ZNF385B: variants seen among roughly 807,000 people sequenced by gnomAD.
The protein encoded by ZNF385B is zinc finger protein 385B, also known as zinc finger protein 533.
Under a neutral mutation model 39.2 loss-of-function variants are expected in ZNF385B, and 23 were observed. The ratio of observed to expected loss-of-function variants is 0.59; its 90% CI spans 0.42 to 0.83. The LOEUF (loss-of-function observed/expected upper bound fraction) is 0.83, where lower values mean the gene tolerates loss of function less well. ZNF385B is among the 40% of genes least tolerant of loss of function. ZNF385B has a pLI of 0.00. For synonymous variants in ZNF385B, 205 were observed against 222.6 expected, an observed-to-expected ratio of 0.92 and a Z score of 0.70; for missense variants, 552 against 598.9, an observed-to-expected ratio of 0.92 and a Z score of 0.82.
intron 1 of ZNF385B, among the ~76,000 whole-genome samples, chr2:179,834,817 C>T (rs537342607): frequency 1.3e-5 from 2 of 152,286 alleles, no homozygotes; most frequent in African/African-American, 4.8e-5. Context: ...AACAAACTAA[C>T]ATCATAAGCC....
rs907658854 is a variant in ZNF385B, at chr2:179,623,768, G to A, written c.299-78799C>T. Among the ~76,000 whole-genome samples, 3 of 152,252 alleles carry A rather than the reference G, an allele frequency of 2.0e-5. No homozygotes were observed. The South Asian group carries it at 6.2e-4, about 32-fold the overall frequency. ...CTGAACCTGGTTCTGCAGGCTTCTA[G>A]TGTTTCCATGAGCTCCCCAAGGCCT... On this transcript the variant is annotated intron_variant, in intron 3 of 9. Coordinates refer to ENST00000410066, the MANE Select transcript of ZNF385B (RefSeq NM_152520.6).
At chr2:179,605,971 A>C (rs1688767244) in intron 3 of ZNF385B, among the ~76,000 whole-genome samples, 1 of 152,184 alleles carries the variant, frequency 6.6e-6, no homozygotes, top group Non-Finnish European at 1.5e-5. Flanking sequence ...AGCACCAGTG[A>C]ATTCTGAACT....
intron 6 of ZNF385B, among the ~76,000 whole-genome samples, chr2:179,482,162 C>A (rs1317838724): frequency 6.6e-6 from 1 of 152,144 alleles, no homozygotes; most frequent in Non-Finnish European, 1.5e-5. Flanking sequence ...GTCCCTTTTT[C>A]CATAGTCTCT....
At chr2:179,671,963 G>A (rs781019041) in intron 3 of ZNF385B, among the ~76,000 whole-genome samples, 1 of 152,254 alleles carries the variant, frequency 6.6e-6, no homozygotes, top group Non-Finnish European at 1.5e-5. Flanking sequence ...TGGGGTGGTA[G>A]AGACACCCGG....
chr2:179,716,140 G>A (rs1320700973), intron 3 of ZNF385B, among the ~76,000 whole-genome samples: 1 of 152,102 alleles, frequency 6.6e-6, no homozygotes, highest in Non-Finnish European at 1.5e-5. Flanking sequence ...GGAGACATCA[G>A]TCACTATTTT....
rs139295177 is a variant in ZNF385B at position 179,443,003 on chromosome 2, C to T, written c.*247G>A. ...ATATCTGAGATACACAAATTGAACG[C>T]GGTAGGGTGGGGGAGGAAGTAGGGA... On this transcript the variant is annotated 3_prime_UTR_variant, in exon 10 of 10. Coordinates refer to ENST00000410066, the MANE Select transcript of ZNF385B (RefSeq NM_152520.6). 573 of 580,698 alleles carry T rather than the reference C, an allele frequency of 9.9e-4. 7 individuals are homozygous for T. In the East Asian group the frequency reaches 0.015, roughly 15 times the overall value. 36.0% of individuals were successfully genotyped at this position (580,698 alleles called of 1,614,324 possible). A position where few individuals can be genotyped will look rare whatever the true frequency, so the allele number is the denominator to read the frequency against.
chr2:179,629,593 C>T (rs901180752), intron 3 of ZNF385B, among the ~76,000 whole-genome samples: 5 of 152,160 alleles, frequency 3.3e-5, no homozygotes, highest in African/African-American at 7.2e-5. Flanking sequence ...CAGCTCCCAG[C>T]GTGATCAATG....
chr2:179,677,201 G>A (rs1166011706), intron 3 of ZNF385B, among the ~76,000 whole-genome samples: 1 of 152,172 alleles, frequency 6.6e-6, no homozygotes, highest in African/African-American at 2.4e-5. Context: ...TCCAGCAACA[G>A]TCAGCAGGAT....
At chr2:179,558,805 A>G (rs1008705379) in intron 3 of ZNF385B, among the ~76,000 whole-genome samples, 1 of 152,160 alleles carries the variant, frequency 6.6e-6, no homozygotes, top group African/African-American at 2.4e-5. Flanking sequence ...CAAATAAGCC[A>G]TTCTCACCCA....
At chr2:179,690,490 T>C (rs922947759) in intron 3 of ZNF385B, among the ~76,000 whole-genome samples, 5 of 152,192 alleles carry the variant, frequency 3.3e-5, no homozygotes, top group Admixed American at 1.3e-4. Flanking sequence ...CTGCATTTGG[T>C]TGGAAAAAGC....
intron 1 of ZNF385B, among the ~76,000 whole-genome samples, chr2:179,775,801 G>A (rs959375448): frequency 1.3e-5 from 2 of 152,178 alleles, no homozygotes; most frequent in African/African-American, 4.8e-5. Context: ...AGATAATATA[G>A]CTCCAAGGAA....
chr2:179,730,479 T>G (rs1049425679), intron 3 of ZNF385B, among the ~76,000 whole-genome samples: 7 of 152,244 alleles, frequency 4.6e-5, no homozygotes, highest in Middle Eastern at 6.3e-3. Context: ...TAAACTTTAG[T>G]TCTTCCTATG....
At chr2:179,573,708 A>C (rs1321556931) in intron 3 of ZNF385B, among the ~76,000 whole-genome samples, 1 of 152,150 alleles carries the variant, frequency 6.6e-6, no homozygotes, top group Admixed American at 6.5e-5. Flanking sequence ...CTGTAAGGGA[A>C]AAATAAAAAA....
At chr2:179,574,835 G>C (rs1685629199) in intron 3 of ZNF385B, among the ~76,000 whole-genome samples, 1 of 152,158 alleles carries the variant, frequency 6.6e-6, no homozygotes, top group Non-Finnish European at 1.5e-5. Context: ...CCTAAGGAGA[G>C]AAGCTCCTTG....
intron 3 of ZNF385B, among the ~76,000 whole-genome samples, chr2:179,766,144 G>A (rs1472399331): frequency 6.6e-6 from 1 of 151,548 alleles, no homozygotes; most frequent in East Asian, 1.9e-4. Flanking sequence ...TAAATACCCT[G>A]AATACTAAAT....
At chr2:179,507,204 G>T (rs2057314162) in intron 5 of ZNF385B, among the ~76,000 whole-genome samples, 1 of 152,090 alleles carries the variant, frequency 6.6e-6, no homozygotes, top group Admixed American at 6.6e-5. Flanking sequence ...CTGTGAGAAG[G>T]GAAGATTCAG....
intron 1 of ZNF385B, chr2:179,814,450 C>T (rs1208468624): frequency 2.1e-6 from 1 of 485,992 alleles, no homozygotes; most frequent in East Asian, 5.8e-5. Flanking sequence ...ACCAAAGTAC[C>T]TGACTTCAAC....
At chr2:179,792,323 T>C (rs2106540932) in intron 1 of ZNF385B, among the ~76,000 whole-genome samples, 1 of 151,924 alleles carries the variant, frequency 6.6e-6, no homozygotes, top group African/African-American at 2.4e-5. Flanking sequence ...ACCACTTTAA[T>C]AATAATTTAT....
chr2:179,654,851 G>A (rs181309540), intron 3 of ZNF385B, among the ~76,000 whole-genome samples: 17 of 152,268 alleles, frequency 1.1e-4, no homozygotes, highest in African/African-American at 3.8e-4. Flanking sequence ...CTTGCAGGAT[G>A]TCATTTAGTA....
Sources: gnomAD v4.1 joint callset for allele counts (sites outside exome capture counted in the v4.1 genomes callset) on GRCh38, gnomAD v4.1.1 for gene constraint, MANE v1.5 for transcripts, NCBI Gene and HGNC (gene_info 2026-07-23, HGNC 2026-07-21) for gene names.